ARL17A: variants seen among roughly 807,000 people sequenced by gnomAD.
ARL17A encodes ARF like GTPase 17A, also known as ADP-ribosylation factor-like 17-like.
At position 46,534,501 on chromosome 17, in the gene ARL17A, C is replaced by CACTG. The variant is rs1346452587; in HGVS notation, c.335+3846_335+3849dup. Among the ~76,000 whole-genome samples, 22 of 148,498 alleles carry CACTG rather than the reference C, an allele frequency of 1.5e-4. 1 individual carries two copies. The highest frequency in any genetic ancestry group is 4.2e-4 in the South Asian group (2 of 4,732). On this transcript the variant is annotated intron_variant, in intron 4 of 4. Transcript: ENST00000329240. ...TGGACACAGCACATGTTTCAGAGAG[C>CACTG]ACTGGGTTGGGGGTAAGGTCATAGA... is the stretch of plus-strand genomic sequence containing the variant.
At chr17:46,516,196 G>A (rs1225367210), downstream of ARL17A, among the ~76,000 whole-genome samples, 1 of 148,290 alleles carries the variant, frequency 6.7e-6, no homozygotes, top group Admixed American at 6.9e-5. Flanking sequence ...CCAGCTACTC[G>A]GGAGGCTGAG....
chr17:46,529,132 C>T (rs1348394979), intron 4 of ARL17A, among the ~76,000 whole-genome samples: 1 of 135,504 alleles, frequency 7.4e-6, no homozygotes, highest in East Asian at 2.0e-4. Flanking sequence ...TCATCTCTCT[C>T]TCCTCAGTTA....
At chr17:46,548,726 C>T, downstream of ARL17A, 1 of 1,610,026 alleles carries the variant, frequency 6.2e-7, no homozygotes, top group Non-Finnish European at 8.5e-7. Flanking sequence ...GCCCAGGCAT[C>T]TGTGGAGAAC....
At chr17:46,531,946 A>G (rs1268383516) in intron 4 of ARL17A, among the ~76,000 whole-genome samples, 21 of 142,554 alleles carry the variant, frequency 1.5e-4, no homozygotes, top group African/African-American at 5.1e-4. Flanking sequence ...TGGCTCTTAC[A>G]TTTAGGTATT....
At chr17:46,520,916 T>G (rs1416005985) in intron 3 of ARL17A, among the ~76,000 whole-genome samples, 2 of 79,528 alleles carry the variant, frequency 2.5e-5, no homozygotes, top group African/African-American at 7.4e-5. Flanking sequence ...AATTAACATT[T>G]AAATATTAAA....
At position 46,568,436 on chromosome 17, in the gene ARL17A, C is replaced by T. The variant is rs1285223101; in HGVS notation, c.259+2323G>A. ...CACAGGAAATCCACAGATAGCCAAG[C>T]AAGTTAGATGGCACTATAATAAAGT... is the stretch of plus-strand genomic sequence containing the variant. On this transcript the variant is annotated intron_variant, in intron 3 of 3. Coordinates refer to ENST00000336125, the MANE Select transcript of ARL17A (RefSeq NM_001113738.2). 5.0e-5 allele frequency among the ~76,000 whole-genome samples: 6 copies of T among 120,280 alleles called. 1 individual carries two copies. The highest frequency in any genetic ancestry group is 2.1e-4 in the African/African-American group (6 of 29,234). 78.9% of individuals were successfully genotyped at this position (120,280 alleles called of 152,430 possible). A position where few individuals can be genotyped will look rare whatever the true frequency, so the allele number is the denominator to read the frequency against.
chr17:46,530,792 C>G (rs2053579644), intron 4 of ARL17A, among the ~76,000 whole-genome samples: 1 of 5,298 alleles, frequency 1.9e-4, no homozygotes, highest in Non-Finnish European at 6.7e-4. Flanking sequence ...AGCCATCACT[C>G]CCCAGTGCTG....
At chr17:46,568,576 G>A (rs1344846460) in intron 3 of ARL17A, among the ~76,000 whole-genome samples, 1 of 100,868 alleles carries the variant, frequency 9.9e-6, no homozygotes, top group African/African-American at 4.1e-5. Context: ...GGCCAAGGTG[G>A]GCAGATGCTT....
chr17:46,533,496 C>CT lies in ARL17A; in HGVS notation c.336-4638dup, dbSNP rs1290324553. The stretch of plus-strand genomic sequence containing the variant: ...TATTGCATTATGTAAGTATCTTTTT[C>CT]TTTTTTTTTTTTTTCTTTATTTTGG... On this transcript the variant is annotated intron_variant, in intron 4 of 4. Coordinates refer to the ARL17A transcript ENST00000329240. 8.5e-3 allele frequency among the ~76,000 whole-genome samples: 1,201 copies of CT among 141,028 alleles called. 19 individuals are homozygous for CT. The highest frequency in any genetic ancestry group is 0.013 in the African/African-American group (449 of 35,656). The allele number at this position is 141,028 out of a possible 152,430, so 92.5% of individuals were successfully genotyped here. A position where few individuals can be genotyped will look rare whatever the true frequency, so the allele number is the denominator to read the frequency against.
At chr17:46,545,234 C>G (rs1226974199) in intron 3 of ARL17A, among the ~76,000 whole-genome samples, 2 of 140,084 alleles carry the variant, frequency 1.4e-5, no homozygotes, top group African/African-American at 6.0e-5. Flanking sequence ...GAGTTCTACA[C>G]CAGCCTGAGC....
intron 3 of ARL17A, among the ~76,000 whole-genome samples, chr17:46,545,886 T>G (rs1465743676): frequency 6.7e-6 from 1 of 150,306 alleles, no homozygotes; most frequent in Non-Finnish European, 1.5e-5. Context: ...CAACAGGAAT[T>G]GAGAAAGGGA....
intron 3 of ARL17A, among the ~76,000 whole-genome samples, chr17:46,542,817 G>A (rs2055627299): frequency 1.3e-5 from 2 of 150,754 alleles, no homozygotes; most frequent in South Asian, 4.2e-4. Flanking sequence ...CCCACAATAT[G>A]GCAAGCTAAA....
chr17:46,551,081 A>AG (rs1161940114), downstream of ARL17A, among the ~76,000 whole-genome samples: 7 of 150,072 alleles, frequency 4.7e-5, no homozygotes, highest in Non-Finnish European at 7.3e-5. Context: ...TTCACTGGTG[A>AG]GGGGGAACGT....
intron 2 of ARL17A, among the ~76,000 whole-genome samples, chr17:46,574,941 C>CA (rs1284538978): frequency 3.7e-5 from 2 of 54,136 alleles, no homozygotes; most frequent in Non-Finnish European, 8.8e-5. Context: ...ACCACAAATA[C>CA]AAAAATTAGC....
At chr17:46,543,159 C>G (rs2055699220) in intron 3 of ARL17A, among the ~76,000 whole-genome samples, 1 of 150,350 alleles carries the variant, frequency 6.7e-6, no homozygotes, top group African/African-American at 2.5e-5. Flanking sequence ...GATTTGTCAC[C>G]AAGGCCATAA....
intron 4 of ARL17A, among the ~76,000 whole-genome samples, chr17:46,531,760 C>G (rs1385231116): frequency 1.3e-5 from 1 of 75,396 alleles, no homozygotes; most frequent in Non-Finnish European, 2.3e-5. Context: ...TCCCTTTCAT[C>G]TGTCTGACAT....
intron 3 of ARL17A, among the ~76,000 whole-genome samples, chr17:46,542,671 G>T (rs1224093417): frequency 6.7e-6 from 1 of 150,206 alleles, no homozygotes; most frequent in East Asian, 1.9e-4. Flanking sequence ...CTCCAGCTTG[G>T]GTGACAGAGC....
chr17:46,539,768 C>CAAAAAAAAAAAAAAA (rs1204528686), intron 3 of ARL17A, among the ~76,000 whole-genome samples: 10 of 67,024 alleles, frequency 1.5e-4, no homozygotes, highest in Non-Finnish European at 1.9e-4. Flanking sequence ...GACTCCATCT[C>CAAAAAAAAAAAAAAA]AAAAAAAAAA....
At chr17:46,548,981 T>C (rs62073349), downstream of ARL17A, 272,609 of 1,610,260 alleles carry the variant, frequency 0.17, 1 homozygote, top group Non-Finnish European at 0.2. Flanking sequence ...GCTATTTCCA[T>C]TTTAGAAAGT....
Sources: gnomAD v4.1 joint callset for allele counts (sites outside exome capture counted in the v4.1 genomes callset) on GRCh38, gnomAD v4.1.1 for gene constraint, MANE v1.5 for transcripts, NCBI Gene and HGNC (gene_info 2026-07-23, HGNC 2026-07-21) for gene names.